JAK2: variants seen among roughly 807,000 people sequenced by gnomAD.
JAK2 encodes the protein tyrosine-protein kinase JAK2.
In JAK2, 86 loss-of-function variants were observed where a neutral mutation model predicts 139.3. The ratio of observed to expected loss-of-function variants is 0.62; its 90% CI spans 0.52 to 0.74. The LOEUF is 0.74. Ranked by LOEUF, JAK2 falls within the 30% of genes least tolerant of loss-of-function variation. JAK2 has a pLI of 0.00. For missense variants in JAK2, 1,421 were observed against 1,360.3 expected (o/e 1.04, Z -0.70); for synonymous variants, 490 against 437.7 (o/e 1.12, Z -1.49).
intron 3 of JAK2, among the ~76,000 whole-genome samples, chr9:5,028,754 C>A (rs900492337): frequency 2.6e-5 from 4 of 152,192 alleles, no homozygotes; most frequent in Non-Finnish European, 4.4e-5. Flanking sequence ...ACCTCATGAA[C>A]CAGCCTCTAC....
chr9:5,106,939 G>C (rs1364363540), intron 22 of JAK2, among the ~76,000 whole-genome samples: 2 of 152,138 alleles, frequency 1.3e-5, no homozygotes, highest in Non-Finnish European at 2.9e-5. Context: ...TAAATGACGA[G>C]TTAATGGGTG....
At chr9:5,031,236 A>G (rs1014058462) in intron 4 of JAK2, among the ~76,000 whole-genome samples, 3 of 152,242 alleles carry the variant, frequency 2.0e-5, no homozygotes, top group Non-Finnish European at 2.9e-5. Flanking sequence ...GAATTATTAA[A>G]TAAGATAGCC....
At chr9:5,008,140 G>A (rs958258311) in intron 2 of JAK2, among the ~76,000 whole-genome samples, 1 of 152,082 alleles carries the variant, frequency 6.6e-6, no homozygotes, top group Non-Finnish European at 1.5e-5. Context: ...TATTTGTTCA[G>A]TACTTTTAAG....
intron 2 of JAK2, among the ~76,000 whole-genome samples, chr9:5,000,928 C>T (rs1002938044): frequency 2.0e-5 from 3 of 152,084 alleles, no homozygotes; most frequent in African/African-American, 4.8e-5. Flanking sequence ...ATTGGCTAGC[C>T]CTGGAAGGAC....
At chr9:5,028,804 C>T (rs1362463288) in intron 3 of JAK2, among the ~76,000 whole-genome samples, 4 of 152,182 alleles carry the variant, frequency 2.6e-5, no homozygotes, top group Non-Finnish European at 4.4e-5. Flanking sequence ...TCACCTCTCT[C>T]AGCCTTCACA....
intron 2 of JAK2, among the ~76,000 whole-genome samples, chr9:4,999,941 A>G (rs1201025009): frequency 2.6e-5 from 4 of 152,284 alleles, no homozygotes; most frequent in East Asian, 1.9e-4. Flanking sequence ...ATCTTTGCCA[A>G]CACTGGGTAT....
intron 2 of JAK2, among the ~76,000 whole-genome samples, chr9:4,997,083 T>G (rs1232977301): frequency 6.6e-6 from 1 of 151,840 alleles, no homozygotes; most frequent in East Asian, 1.9e-4. Flanking sequence ...CGAGTGCCAC[T>G]AGGCCTGGCT....
chr9:5,054,580 C>T lies in JAK2; in HGVS notation c.632C>T (p.Pro211Leu). Residue 211 changes from proline to leucine, a missense_variant, in exon 7 of 25, where the codon CCA becomes CTA. By Grantham distance (98) the Pro-to-Leu change is moderately conservative. Coordinates refer to ENST00000381652, the MANE Select transcript of JAK2 (RefSeq NM_004972.4). The surrounding 1 kb of genome is among the most constrained non-coding windows in gnomAD (Gnocchi z 4.9). The part of the protein sequence containing the change: ...YNSISYKTFL[P>L]KCIRAKIQDY... Reference sequence around the variant, plus strand: ...ATCCCTAGCTACAAGACATTCTTACCAAAATGTATTCGAGCAAAGATCCAA... The same window carrying T: ...ATCCCTAGCTACAAGACATTCTTACTAAAATGTATTCGAGCAAAGATCCAA... 3.8e-6 allele frequency: 6 copies of T among 1,581,534 alleles called. No individual in the cohort carries two copies. Among genetic ancestry groups the T allele is most frequent in the South Asian group, 1.2e-5 (1 of 86,276 alleles).
chr9:5,103,453 C>A (rs753098515), intron 22 of JAK2, among the ~76,000 whole-genome samples: 1 of 151,942 alleles, frequency 6.6e-6, no homozygotes, highest in Non-Finnish European at 1.5e-5. Flanking sequence ...GAGACTTAGA[C>A]TCCCACACAA....
In JAK2 at chr9:5,054,080, C is replaced by G. The variant is rs1228621726; in HGVS notation, c.615-483C>G. Among the ~76,000 whole-genome samples, 2 of 151,900 alleles carry G rather than the reference C, an allele frequency of 1.3e-5. No homozygotes were observed. The highest frequency in any genetic ancestry group is 4.8e-5 in the African/African-American group (2 of 41,390). On this transcript the variant is annotated intron_variant, in intron 6 of 24. Transcript: ENST00000381652. The surrounding 1 kb of genome is among the most constrained non-coding windows in gnomAD (Gnocchi z 4.9). ...TTATTAGGAGTTGAAGCTGGCCTAACAAAATAATATACAGAAGTATGTTTG... is the reference window on the plus strand; with the variant it reads ...TTATTAGGAGTTGAAGCTGGCCTAAGAAAATAATATACAGAAGTATGTTTG...
intron 16 of JAK2, among the ~76,000 whole-genome samples, chr9:5,079,782 G>A (rs931355075): frequency 6.6e-6 from 1 of 151,892 alleles, no homozygotes; most frequent in Admixed American, 6.6e-5. Context: ...TCGTGCCATT[G>A]CACTCTAGCC....
Position 5,126,158 on chromosome 9 carries a change from T to C in JAK2, c.3178-175T>C, listed in dbSNP as rs186327807. ...GCTATGGAAATGGAAATTATAGAAG[T>C]TCCATATTTAACAGCCTTATGTTTT... On this transcript the variant is annotated intron_variant, in intron 23 of 24. Transcript: ENST00000381652. 5.9e-6 allele frequency: 3 copies of C among 504,412 alleles called. No homozygotes were observed. In the Admixed American group the frequency reaches 1.1e-4, roughly 19 times the overall value. The allele number at this position is 504,412 out of a possible 1,614,324, so 31.2% of individuals were successfully genotyped here.
chr9:5,093,291 A>C (rs1291392155), intron 22 of JAK2, among the ~76,000 whole-genome samples: 1 of 152,194 alleles, frequency 6.6e-6, no homozygotes, highest in African/African-American at 2.4e-5. Flanking sequence ...GTTTACCAAA[A>C]ACATCACCTC....
In JAK2 at chr9:5,069,083, A is replaced by G. The variant is rs768963999; in HGVS notation, c.1388A>G (p.Asn463Ser). The change falls in exon 11 of 25, where the codon AAC becomes AGC. Residue 463 changes from asparagine (N) to serine (S), a missense_variant. Transcript: ENST00000381652. ...ACAAAAAATGAGAATGAAGAGTACAACCTCAGTGGGACAAAGAAGAACTTC... is the reference window on the plus strand; with the variant it reads ...ACAAAAAATGAGAATGAAGAGTACAGCCTCAGTGGGACAAAGAAGAACTTC... ...LITKNENEEY[N>S]LSGTKKNFSS... 1.2e-6 allele frequency: 2 copies of G among 1,611,296 alleles called. No individual in the cohort carries two copies. The highest frequency in any genetic ancestry group is 2.2e-5 in the East Asian group (1 of 44,718).
At chr9:5,052,024 C>CA (rs992306046) in intron 6 of JAK2, among the ~76,000 whole-genome samples, 9 of 151,932 alleles carry the variant, frequency 5.9e-5, no homozygotes, top group Non-Finnish European at 1.2e-4. Flanking sequence ...TGCTGTATGC[C>CA]AGGCTATAGT....
chr9:5,084,928 C>G (rs1819962986), intron 19 of JAK2: 1 of 560,350 alleles, frequency 1.8e-6, no homozygotes, highest in Non-Finnish European at 3.4e-6. Flanking sequence ...ATGAAGCAAA[C>G]AAAGTGTATT....
intron 4 of JAK2, among the ~76,000 whole-genome samples, chr9:5,036,524 C>G (rs925595325): frequency 3.9e-5 from 6 of 152,130 alleles, no homozygotes; most frequent in African/African-American, 1.4e-4. Flanking sequence ...GGTATCAAAA[C>G]AGAGATATAG....
intron 22 of JAK2, chr9:5,112,819 T>G (rs1243751406): frequency 5.4e-6 from 3 of 554,822 alleles, no homozygotes; most frequent in Non-Finnish European, 8.6e-6. Context: ...TGGGCTTGAG[T>G]GAAGCCCACA....
At chr9:5,093,443 A>G (rs1247106769) in intron 22 of JAK2, among the ~76,000 whole-genome samples, 2 of 152,192 alleles carry the variant, frequency 1.3e-5, no homozygotes, top group Non-Finnish European at 2.9e-5. Flanking sequence ...TTCAGCTGTC[A>G]TGAGGGTTCA....
Sources: gnomAD v4.1 joint callset for allele counts (sites outside exome capture counted in the v4.1 genomes callset) on GRCh38, gnomAD v4.1.1 for gene constraint, Gnocchi (gnomAD v3.1) non-coding constraint, MANE v1.5 for transcripts, NCBI Gene and HGNC (gene_info 2026-07-23, HGNC 2026-07-21) for gene names.